The following RNF216 variants were observed in gnomAD, a reference collection of about 807,000 sequenced individuals.
RNF216 encodes the protein ring finger protein 216, also known as E3 ubiquitin-protein ligase RNF216.
RNF216 carries 72 observed loss-of-function variants against 110.8 expected under a neutral mutation model. The ratio of observed to expected loss-of-function variants is 0.65; its 90% CI spans 0.54 to 0.79. The LOEUF is 0.79. Among genes scored for constraint, RNF216 ranks in the 30% least tolerant of loss-of-function variants. The probability of loss-of-function intolerance (pLI) is 0.00; values close to 1 mark genes in which losing one functional copy is unlikely to be tolerated. For synonymous variants in RNF216, 495 were observed against 407.5 expected (o/e 1.21, Z -2.59); for missense variants, 1,342 against 1,141.2 (o/e 1.18, Z -2.54).
At chr7:5,767,985 A>G (rs997994517) in intron 1 of RNF216, among the ~76,000 whole-genome samples, 24 of 152,184 alleles carry the variant, frequency 1.6e-4, no homozygotes, top group African/African-American at 5.5e-4. Context: ...TAGGAGAGCC[A>G]AATCTTAAGG....
chr7:5,639,470 A>G (rs1049441207), intron 15 of RNF216, among the ~76,000 whole-genome samples: 5 of 147,822 alleles, frequency 3.4e-5, no homozygotes, highest in African/African-American at 1.2e-4. Context: ...ATGGCTCCAC[A>G]TTTTTTTTTT....
chr7:5,685,140 C>A (rs942905169), intron 13 of RNF216, among the ~76,000 whole-genome samples: 1 of 152,198 alleles, frequency 6.6e-6, no homozygotes, highest in African/African-American at 2.4e-5. Context: ...CTCTACCTCA[C>A]TGGAGGCTCA....
chr7:5,626,699 A>G (rs546719111), intron 15 of RNF216, among the ~76,000 whole-genome samples: 1 of 151,796 alleles, frequency 6.6e-6, no homozygotes, highest in Non-Finnish European at 1.5e-5. Context: ...GAAAGAAAAA[A>G]GAAAGAAAGT....
Position 5,730,820 on chromosome 7 carries a change from G to A in RNF216, c.1122-3C>T. 2 of 1,569,538 alleles carry A rather than the reference G, an allele frequency of 1.3e-6. No individual in the cohort carries two copies. Among genetic ancestry groups the A allele is most frequent in the Non-Finnish European group, 1.7e-6 (2 of 1,155,122 alleles). ...TTTCCAGAAGAAAATTACAAAGTCT[G>A]CAGAAACAAATGATGTTACTTTCAT... On this transcript the variant is annotated splice_region_variant and splice_polypyrimidine_tract_variant and intron_variant, in intron 5 of 16. Coordinates refer to ENST00000389902, the MANE Select transcript of RNF216 (RefSeq NM_207111.4).
In RNF216 at chr7:5,624,992, G is replaced by A. The variant is rs1786619831; in HGVS notation, c.2383-867C>T. ...GCGCTTACCTTAACCCCCCTCCTCA[G>A]TGACCCACAAAACAGCTGTGCAGTT... On this transcript the variant is annotated intron_variant, in intron 15 of 16. Transcript: ENST00000389902. This position sits in a 1 kb window ranked among gnomAD's most constrained non-coding sequence, Gnocchi z 4.4. Among the ~76,000 whole-genome samples, 1 of 152,218 alleles carries A rather than the reference G, an allele frequency of 6.6e-6. No homozygotes were observed. Among genetic ancestry groups the A allele is most frequent in the African/African-American group, 2.4e-5 (1 of 41,464 alleles).
intron 5 of RNF216, among the ~76,000 whole-genome samples, chr7:5,737,144 T>C (rs963505117): frequency 5.3e-5 from 8 of 152,206 alleles, no homozygotes; most frequent in Non-Finnish European, 1.0e-4. Context: ...TAGAAAGAAG[T>C]AGACATAGGA....
At chr7:5,726,350 A>G (rs553800022) in intron 7 of RNF216, among the ~76,000 whole-genome samples, 211 of 152,294 alleles carry the variant, frequency 1.4e-3, no homozygotes, top group Non-Finnish European at 2.4e-3. Flanking sequence ...GGTGAGTCCC[A>G]TTCTGTAGGC....
intron 13 of RNF216, among the ~76,000 whole-genome samples, chr7:5,686,224 T>TTAAA (rs963358016): frequency 2.7e-5 from 3 of 111,632 alleles, no homozygotes; most frequent in African/African-American, 1.1e-4. Flanking sequence ...ACTCTGTTAT[T>TTAAA]AAAAAAAAAA....
chr7:5,622,772 G>C lies in RNF216; in HGVS notation c.*88C>G. The stretch of plus-strand genomic sequence containing the variant: ...CCTTCAAGCTGACTTAGGATGCAAT[G>C]GTACAGACACCAGCCTTGGGGGAGG... On this transcript the variant is annotated 3_prime_UTR_variant, in exon 17 of 17. Transcript: ENST00000389902. 7.6e-7 allele frequency: 1 copy of C among 1,318,730 alleles called. No homozygotes were observed. Among genetic ancestry groups the C allele is most frequent in the Non-Finnish European group, 1.0e-6 (1 of 957,832 alleles). 81.7% of individuals were successfully genotyped at this position (1,318,730 alleles called of 1,614,324 possible).
intron 13 of RNF216, among the ~76,000 whole-genome samples, chr7:5,672,131 T>G (rs1043750196): frequency 3.3e-5 from 5 of 152,234 alleles, no homozygotes; most frequent in Non-Finnish European, 7.3e-5. Context: ...CCCTCTGATC[T>G]TCTTCATACA....
intron 9 of RNF216, among the ~76,000 whole-genome samples, chr7:5,718,131 A>G (rs1241917761): frequency 6.6e-6 from 1 of 152,228 alleles, no homozygotes; most frequent in Non-Finnish European, 1.5e-5. Flanking sequence ...CTATAATCCC[A>G]GCACTTTGGG....
intron 9 of RNF216, among the ~76,000 whole-genome samples, chr7:5,718,686 G>T (rs528302252): frequency 6.6e-6 from 1 of 151,986 alleles, no homozygotes; most frequent in Non-Finnish European, 1.5e-5. Context: ...AAGTAGCTGG[G>T]ATTACAGGTG....
intron 5 of RNF216, among the ~76,000 whole-genome samples, chr7:5,738,011 T>C (rs927148372): frequency 1.4e-5 from 2 of 144,222 alleles, no homozygotes; most frequent in African/African-American, 5.4e-5. Flanking sequence ...TGCTTGAACC[T>C]GGGAGGTGGA....
chr7:5,626,470 C>G (rs1024386731), intron 15 of RNF216, among the ~76,000 whole-genome samples: 1 of 150,602 alleles, frequency 6.6e-6, no homozygotes, highest in Admixed American at 6.6e-5. Context: ...ATTAAGCGAA[C>G]TGATCCAGAA....
At chr7:5,667,793 G>A (rs1227246232) in intron 13 of RNF216, among the ~76,000 whole-genome samples, 1 of 152,166 alleles carries the variant, frequency 6.6e-6, no homozygotes, top group Non-Finnish European at 1.5e-5. Flanking sequence ...CTTCCAGGTA[G>A]GACAAAGACC....
chr7:5,752,947 T>A lies in RNF216; in HGVS notation c.100A>T (p.Ile34Leu). The change falls in exon 3 of 17, where the codon ATA (isoleucine) becomes TTA (leucine). Residue 34 changes from isoleucine (I) to leucine (L), a missense_variant. Ile to Leu is a conservative substitution (Grantham distance 5). Coordinates refer to ENST00000389902, the MANE Select transcript of RNF216 (RefSeq NM_207111.4). ...CTTTCCTCATCTGAGGAGTCAGATATGGTGATGGGCCCATCTCGGAGATTG... is the reference window on the plus strand; with the variant it reads ...CTTTCCTCATCTGAGGAGTCAGATAAGGTGATGGGCCCATCTCGGAGATTG... ...WINLRDGPIT[I>L]SDSSDEERIP... The A allele has an allele frequency of 6.2e-7, 1 of 1,611,950 alleles. No homozygotes were observed. The highest frequency in any genetic ancestry group is 8.5e-7 in the Non-Finnish European group (1 of 1,179,066).
chr7:5,632,823 A>G (rs1385962360), intron 15 of RNF216, among the ~76,000 whole-genome samples: 2 of 152,178 alleles, frequency 1.3e-5, no homozygotes, highest in Non-Finnish European at 2.9e-5. Flanking sequence ...CTACTCCAGA[A>G]GGTGTACCTA....
intron 13 of RNF216, among the ~76,000 whole-genome samples, chr7:5,705,410 C>A (rs571135986): frequency 5.8e-4 from 89 of 152,320 alleles, no homozygotes; most frequent in African/African-American, 1.8e-3. Context: ...CAACATATCA[C>A]CTTCTAATCC....
At chr7:5,737,389 GACCCCAGGGTCC>G (rs1055260949) in intron 5 of RNF216, among the ~76,000 whole-genome samples, 9 of 152,082 alleles carry the variant, frequency 5.9e-5, no homozygotes, top group African/African-American at 2.2e-4. Flanking sequence ...CACTGCGGAA[GACCCCAGGGTCC>G]TCTGCCTAGG....
Sources: allele counts gnomAD v4.1 joint callset (sites outside exome capture counted in the v4.1 genomes callset), GRCh38; gene constraint gnomAD v4.1.1; non-coding constraint Gnocchi (gnomAD v3.1); transcripts MANE v1.5; gene names NCBI Gene and HGNC (gene_info 2026-07-23, HGNC 2026-07-21).